The following DLG2 variants were observed in gnomAD, a reference collection of about 807,000 sequenced individuals.
The protein encoded by DLG2 is disks large homolog 2.
In DLG2, 45 loss-of-function variants were observed where a neutral mutation model predicts 132.5. The ratio of observed to expected loss-of-function variants is 0.34; its 90% confidence interval spans 0.27 to 0.44. DLG2 has a LOEUF of 0.44. Among genes scored for constraint, DLG2 ranks in the 20% least tolerant of loss-of-function variants. DLG2 has a pLI of 1.00. For missense variants in DLG2, 1,045 were observed against 1,196.9 expected, an observed-to-expected ratio of 0.87 and a Z score of 1.87; for synonymous variants, 424 against 419.6, an observed-to-expected ratio of 1.01 and a Z score of -0.13.
At chr11:84,120,080 A>G (rs771771001) in intron 9 of DLG2, among the ~76,000 whole-genome samples, 8 of 152,244 alleles carry the variant, frequency 5.3e-5, no homozygotes, top group Non-Finnish European at 8.8e-5. Flanking sequence ...GGCAAAGGGA[A>G]GAATTGGCCA....
In DLG2 at chr11:84,086,896, G is replaced by A. The variant is rs551277302; in HGVS notation, c.749+12027C>T. ...TGGATTTCCCTATTCTAGAAATTTCGTGTAAATAAAATTGTATAATATGTG... is the reference window on the plus strand; with the variant it reads ...TGGATTTCCCTATTCTAGAAATTTCATGTAAATAAAATTGTATAATATGTG... On this transcript the variant is annotated intron_variant, in intron 10 of 27. Transcript: ENST00000376104. Among the ~76,000 whole-genome samples the A allele has an allele frequency of 2.5e-3, 384 of 152,174 alleles. 19 individuals are homozygous for A. In the South Asian group the frequency reaches 0.076, roughly 30 times the overall value.
At chr11:83,655,712 T>C (rs1037127165) in intron 18 of DLG2, among the ~76,000 whole-genome samples, 1 of 152,194 alleles carries the variant, frequency 6.6e-6, no homozygotes, top group African/African-American at 2.4e-5. Context: ...GGCCAACTAA[T>C]AGCTCAGGAA....
At chr11:83,710,513 T>C (rs2085157861) in intron 18 of DLG2, among the ~76,000 whole-genome samples, 1 of 152,110 alleles carries the variant, frequency 6.6e-6, no homozygotes, top group Non-Finnish European at 1.5e-5. Context: ...ATAATTTTAG[T>C]ATAAGATAGT....
At chr11:83,512,753 A>C (rs776423886) in intron 21 of DLG2, among the ~76,000 whole-genome samples, 1 of 151,686 alleles carries the variant, frequency 6.6e-6, no homozygotes, top group Non-Finnish European at 1.5e-5. Context: ...TCATTTTTCA[A>C]TTCCCACCTA....
At chr11:85,468,663 T>G (rs533343856) in intron 3 of DLG2, among the ~76,000 whole-genome samples, 2 of 152,336 alleles carry the variant, frequency 1.3e-5, no homozygotes, top group East Asian at 3.9e-4. Context: ...TTGATTGCAC[T>G]GTGGTCTGAG....
At chr11:84,116,606 A>C (rs986626593) in intron 9 of DLG2, among the ~76,000 whole-genome samples, 1 of 152,162 alleles carries the variant, frequency 6.6e-6, no homozygotes, top group African/African-American at 2.4e-5. Flanking sequence ...CCATGATTCA[A>C]TTACCTCCCA....
chr11:84,767,093 G>A (rs949506697), intron 6 of DLG2, among the ~76,000 whole-genome samples: 15 of 151,794 alleles, frequency 9.9e-5, no homozygotes, highest in African/African-American at 3.1e-4. Context: ...TTAAAAGAGG[G>A]GTAATAGTAC....
intron 4 of DLG2, among the ~76,000 whole-genome samples, chr11:85,204,118 T>C (rs1165828420): frequency 1.3e-5 from 2 of 152,096 alleles, no homozygotes; most frequent in Admixed American, 6.5e-5. Context: ...TTCCATAAGA[T>C]ACCGAACAAG....
intron 8 of DLG2, among the ~76,000 whole-genome samples, chr11:84,164,044 T>C (rs1310450274): frequency 3.9e-5 from 6 of 152,172 alleles, no homozygotes. Flanking sequence ...ATTATCTTTA[T>C]TGGAAAGCCC....
chr11:84,839,589 A>C (rs902880043), intron 6 of DLG2, among the ~76,000 whole-genome samples: 5 of 152,284 alleles, frequency 3.3e-5, no homozygotes, highest in African/African-American at 1.2e-4. Flanking sequence ...CCTGACTTCA[A>C]ACTATATTAC....
At chr11:84,299,991 G>A (rs1393302177) in intron 7 of DLG2, among the ~76,000 whole-genome samples, 1 of 152,006 alleles carries the variant, frequency 6.6e-6, no homozygotes, top group African/African-American at 2.4e-5. Context: ...AGAACAACGT[G>A]TTTGTAACAG....
chr11:84,201,477 G>C (rs1165389820), intron 8 of DLG2, among the ~76,000 whole-genome samples: 2 of 152,074 alleles, frequency 1.3e-5, no homozygotes, highest in Non-Finnish European at 2.9e-5. Flanking sequence ...AGTTAGGGAG[G>C]AGTCCCTCCT....
chr11:85,344,707 T>A (rs2082712359), intron 3 of DLG2, among the ~76,000 whole-genome samples: 1 of 152,178 alleles, frequency 6.6e-6, no homozygotes, highest in Non-Finnish European at 1.5e-5. Flanking sequence ...AGGTGTTCCA[T>A]TATGGATCCT....
At chr11:84,845,761 C>T (rs1467111129) in intron 6 of DLG2, among the ~76,000 whole-genome samples, 1 of 150,912 alleles carries the variant, frequency 6.6e-6, no homozygotes, top group African/African-American at 2.4e-5. Flanking sequence ...CTCACTGCAA[C>T]CTTCACCTCT....
At chr11:85,005,072 T>C (rs982205583) in intron 6 of DLG2, among the ~76,000 whole-genome samples, 37 of 152,316 alleles carry the variant, frequency 2.4e-4, no homozygotes, top group Admixed American at 1.1e-3. Flanking sequence ...CTCTGTTCTG[T>C]TCCATTGGTC....
At chr11:84,275,195 T>C (rs1041163185) in intron 7 of DLG2, among the ~76,000 whole-genome samples, 2 of 152,310 alleles carry the variant, frequency 1.3e-5, no homozygotes, top group East Asian at 1.9e-4. Context: ...TTAAAGAGCA[T>C]GTCCTAAAAA....
At chr11:84,833,191 C>T (rs2079263481) in intron 6 of DLG2, among the ~76,000 whole-genome samples, 1 of 151,626 alleles carries the variant, frequency 6.6e-6, no homozygotes, top group South Asian at 2.1e-4. Context: ...TTCCTCCATG[C>T]CACAGAGTGC....
intron 6 of DLG2, among the ~76,000 whole-genome samples, chr11:84,811,631 C>T (rs1027922107): frequency 2.6e-5 from 4 of 152,034 alleles, no homozygotes; most frequent in Non-Finnish European, 5.9e-5. Context: ...ATAGGAGATC[C>T]TGAATAACAT....
At chr11:85,550,307 C>A (rs1421231919) in intron 3 of DLG2, among the ~76,000 whole-genome samples, 1 of 152,230 alleles carries the variant, frequency 6.6e-6, no homozygotes, top group East Asian at 1.9e-4. Context: ...GATGGCAGAG[C>A]TAAAAGAGCA....
Sources: allele counts gnomAD v4.1 joint callset (sites outside exome capture counted in the v4.1 genomes callset), GRCh38; gene constraint gnomAD v4.1.1; transcripts MANE v1.5; gene names NCBI Gene and HGNC (gene_info 2026-07-23, HGNC 2026-07-21).